Variants in FGGY observed in about 807,000 individuals in gnomAD.
The protein encoded by FGGY is FGGY carbohydrate kinase domain containing, also known as FGGY carbohydrate kinase domain-containing protein.
In FGGY, 72 loss-of-function variants were observed where a neutral mutation model predicts 71.3. The observed-to-expected ratio is 1.01, with a 90% CI of 0.84 to 1.23. The LOEUF (loss-of-function observed/expected upper bound fraction) is 1.23, where lower values mean the gene tolerates loss of function less well. FGGY is among the 50% of genes most tolerant of loss of function. The probability of loss-of-function intolerance (pLI) is 0.00; values close to 1 mark genes in which losing one functional copy is unlikely to be tolerated. For missense variants in FGGY, 668 were observed against 682.3 expected (o/e 0.98, Z 0.23); for synonymous variants, 251 against 250.3 (o/e 1.00, Z -0.02).
rs192989884 is a variant in FGGY at position 59,507,940 on chromosome 1, G to A, written c.671-4371G>A. On this transcript the variant is annotated intron_variant, in intron 6 of 15. Coordinates refer to ENST00000303721, the MANE Select transcript of FGGY (RefSeq NM_018291.5). ...GAAGCCCTCCGCTGCCTCTTGTCCCGTCTGTTCCAGTTCTCTGTTCCTCCT... is the reference window on the plus strand; with the variant it reads ...GAAGCCCTCCGCTGCCTCTTGTCCCATCTGTTCCAGTTCTCTGTTCCTCCT... 9.5e-4 allele frequency among the ~76,000 whole-genome samples: 145 copies of A among 152,038 alleles called. 1 individual carries two copies. Among genetic ancestry groups the A allele is most frequent in the African/African-American group, 3.3e-3 (137 of 41,452 alleles).
chr1:59,448,359 G>A (rs771502506), intron 5 of FGGY, among the ~76,000 whole-genome samples: 7 of 152,134 alleles, frequency 4.6e-5, no homozygotes, highest in Non-Finnish European at 8.8e-5. Flanking sequence ...TAGAGATCTG[G>A]CATGCATTTG....
chr1:59,341,008 C>A (rs2050563519), intron 3 of FGGY, among the ~76,000 whole-genome samples: 1 of 152,174 alleles, frequency 6.6e-6, no homozygotes, highest in African/African-American at 2.4e-5. Context: ...GGGCTAGATT[C>A]TGTTAGAGAA....
intron 6 of FGGY, among the ~76,000 whole-genome samples, chr1:59,472,224 G>T (rs573345713): frequency 6.6e-6 from 1 of 152,160 alleles, no homozygotes; most frequent in Non-Finnish European, 1.5e-5. Flanking sequence ...CACTTGGAGC[G>T]GTCGGCCGGC....
chr1:59,385,451 T>C (rs1390602966), intron 5 of FGGY, among the ~76,000 whole-genome samples: 1 of 152,220 alleles, frequency 6.6e-6, no homozygotes, highest in East Asian at 1.9e-4. Flanking sequence ...TTAGTCCTCA[T>C]GACCATCCTT....
intron 14 of FGGY, among the ~76,000 whole-genome samples, chr1:59,709,336 C>G (rs925913802): frequency 6.6e-6 from 1 of 152,194 alleles, no homozygotes; most frequent in African/African-American, 2.4e-5. Flanking sequence ...TGAGAATTCT[C>G]TCACTATCAC....
chr1:59,485,997 AG>A (rs1350906275), intron 6 of FGGY, among the ~76,000 whole-genome samples: 1 of 152,242 alleles, frequency 6.6e-6, no homozygotes, highest in Non-Finnish European at 1.5e-5. Flanking sequence ...TTCCCTATGT[AG>A]GATACCTGTC....
chr1:59,701,862 T>C (rs1423446439), intron 14 of FGGY, among the ~76,000 whole-genome samples: 1 of 152,090 alleles, frequency 6.6e-6, no homozygotes, highest in Admixed American at 6.6e-5. Context: ...AATGAGTACA[T>C]GAATGTATAA....
intron 8 of FGGY, among the ~76,000 whole-genome samples, chr1:59,571,329 T>C (rs2095981620): frequency 6.6e-6 from 1 of 152,222 alleles, no homozygotes; most frequent in Non-Finnish European, 1.5e-5. Flanking sequence ...TGTAGCCAGT[T>C]GTTTAGAGCA....
intron 5 of FGGY, among the ~76,000 whole-genome samples, chr1:59,453,007 G>C (rs1427664643): frequency 6.6e-6 from 1 of 152,208 alleles, no homozygotes; most frequent in Admixed American, 6.5e-5. Flanking sequence ...TCCCGGAGGG[G>C]TAAGCCCTTT....
intron 14 of FGGY, among the ~76,000 whole-genome samples, chr1:59,733,548 T>C (rs895458276): frequency 2.0e-5 from 3 of 152,108 alleles, no homozygotes; most frequent in African/African-American, 4.8e-5. Flanking sequence ...CAAGGACAAA[T>C]TCATTTCTTA....
intron 6 of FGGY, among the ~76,000 whole-genome samples, chr1:59,461,390 G>T (rs1230297940): frequency 6.6e-6 from 1 of 152,126 alleles, no homozygotes; most frequent in South Asian, 2.1e-4. Context: ...AACAAGAAAC[G>T]AATGAAGCCT....
intron 14 of FGGY, among the ~76,000 whole-genome samples, chr1:59,674,352 G>GA (rs1553393348): frequency 1.3e-5 from 2 of 151,854 alleles, no homozygotes; most frequent in East Asian, 3.9e-4. Flanking sequence ...TTTTTCAGTT[G>GA]TTTTTTTTCT....
intron 10 of FGGY, among the ~76,000 whole-genome samples, chr1:59,628,295 G>C (rs1422233199): frequency 6.6e-6 from 1 of 152,128 alleles, no homozygotes; most frequent in Admixed American, 6.5e-5. Context: ...CCATGTTCTT[G>C]CCCAAAATGA....
chr1:59,442,252 G>A (rs1037872716), intron 5 of FGGY, among the ~76,000 whole-genome samples: 1 of 152,062 alleles, frequency 6.6e-6, no homozygotes, highest in African/African-American at 2.4e-5. Flanking sequence ...ATATTTACAA[G>A]AATTTCTTAA....
chr1:59,756,206 T>C (rs546061188), intron 14 of FGGY: 1 of 152,294 alleles, frequency 6.6e-6, no homozygotes, highest in South Asian at 2.1e-4. Flanking sequence ...TTGTCAATAA[T>C]TTTTCTTCAT....
intron 8 of FGGY, among the ~76,000 whole-genome samples, chr1:59,584,812 T>A (rs2096255577): frequency 6.7e-6 from 1 of 150,112 alleles, no homozygotes; most frequent in Non-Finnish European, 1.5e-5. Flanking sequence ...GATAGGCAAC[T>A]TCAGCAAAGT....
chr1:59,313,348 G>A (rs2044727769), intron 1 of FGGY, among the ~76,000 whole-genome samples: 1 of 152,144 alleles, frequency 6.6e-6, no homozygotes, highest in South Asian at 2.1e-4. Context: ...GTTAAAATTA[G>A]AGATAATGTA....
At chr1:59,374,800 T>C (rs2058354352) in intron 4 of FGGY, among the ~76,000 whole-genome samples, 1 of 150,894 alleles carries the variant, frequency 6.6e-6, no homozygotes, top group Admixed American at 6.6e-5. Context: ...CAGTAAACTA[T>C]CGCAAGAACA....
chr1:59,509,741 G>T (rs1570428704), intron 6 of FGGY, among the ~76,000 whole-genome samples: 1 of 152,172 alleles, frequency 6.6e-6, no homozygotes, highest in African/African-American at 2.4e-5. Context: ...GACTCTCTCT[G>T]CCTCGCAGTG....
Sources: gnomAD v4.1 joint callset for allele counts (sites outside exome capture counted in the v4.1 genomes callset) on GRCh38, gnomAD v4.1.1 for gene constraint, MANE v1.5 for transcripts, NCBI Gene and HGNC (gene_info 2026-07-23, HGNC 2026-07-21) for gene names.